The following GNRHR variants were observed in gnomAD, a reference collection of about 807,000 sequenced individuals.
GNRHR encodes the protein gonadotropin-releasing hormone receptor.
In GNRHR, 14 loss-of-function variants were observed where a neutral mutation model predicts 28.1. The observed-to-expected ratio is 0.50, with a 90% CI of 0.33 to 0.78. The LOEUF is 0.78. GNRHR is among the 30% of genes least tolerant of loss of function. The probability of loss-of-function intolerance (pLI) is 0.02; values close to 1 mark genes in which losing one functional copy is unlikely to be tolerated. For synonymous variants in GNRHR, 141 were observed against 140.5 expected (o/e 1.00, Z -0.02); for missense variants, 366 against 382.1 (o/e 0.96, Z 0.35).
chr4:67,738,681 C>T lies in GNRHR; in HGVS notation c.*1799G>A, dbSNP rs1731597995. 6.6e-6 allele frequency among the ~76,000 whole-genome samples: 1 copy of T among 151,896 alleles called. No individual in the cohort carries two copies. Among genetic ancestry groups the T allele is most frequent in the African/African-American group, 2.4e-5 (1 of 41,386 alleles). The stretch of plus-strand genomic sequence containing the variant: ...GGTTTTGTTTCAACTTATCTACATC[C>T]CTGTGTTATCTACAAGAACTATAAA... On this transcript the variant is annotated 3_prime_UTR_variant, in exon 3 of 3. Coordinates refer to ENST00000226413, the MANE Select transcript of GNRHR (RefSeq NM_000406.3).
chr4:67,751,765 T>A (rs934681055), intron 1 of GNRHR: 1 of 152,168 alleles, frequency 6.6e-6, no homozygotes, highest in Non-Finnish European at 1.5e-5. Flanking sequence ...TCTACTTTGG[T>A]TTGGATTTTA....
intron 2 of GNRHR, 101 bp from the exon 3 acceptor site, chr4:67,740,825 G>A (rs1019462615): frequency 3.7e-6 from 3 of 800,806 alleles, no homozygotes; most frequent in Non-Finnish European, 6.5e-6. Flanking sequence ...CTTAATCAAT[G>A]GGAGAAAATT....
chr4:67,751,455 A>G (rs572596804), intron 1 of GNRHR, among the ~76,000 whole-genome samples: 2 of 152,364 alleles, frequency 1.3e-5, no homozygotes, highest in South Asian at 2.1e-4. Flanking sequence ...CATGTGTTTT[A>G]CAAAATAAAA....
intron 1 of GNRHR, among the ~76,000 whole-genome samples, chr4:67,748,927 A>C (rs1731815989): frequency 1.3e-5 from 2 of 152,058 alleles, no homozygotes; most frequent in South Asian, 4.1e-4. Flanking sequence ...ATTGTGCATA[A>C]TTTATGTGAT....
chr4:67,747,027 C>A (rs1332422712), intron 1 of GNRHR, among the ~76,000 whole-genome samples: 1 of 152,082 alleles, frequency 6.6e-6, no homozygotes, highest in Non-Finnish European at 1.5e-5. Context: ...TTCTTTGCAA[C>A]CTGACCTTAT....
chr4:67,752,642 T>C (rs1281662274), intron 1 of GNRHR, among the ~76,000 whole-genome samples: 2 of 150,628 alleles, frequency 1.3e-5, no homozygotes, highest in East Asian at 3.9e-4. Context: ...AAATCATATA[T>C]TTTTCTTCAG....
Position 67,740,640 on chromosome 4 carries a change from A to C in GNRHR, c.827T>G (p.Phe276Cys). 1 of 1,611,568 alleles carries C rather than the reference A, an allele frequency of 6.2e-7. No individual in the cohort carries two copies. The change falls in exon 3 of 3, where the codon TTT becomes TGT. Residue 276 changes from phenylalanine (F) to cysteine (C), a missense_variant. Coordinates refer to ENST00000226413, the MANE Select transcript of GNRHR (RefSeq NM_000406.3). Reference protein sequence around the residue: ...LKMTVAFATSFTVCWTPYYVL... With the variant: ...LKMTVAFATSCTVCWTPYYVL... ...ATAGTAGGGAGTCCAGCAGACAGTAAATGAAGTGGCAAATGCAACCGTCAT... is the reference window on the plus strand; with the variant it reads ...ATAGTAGGGAGTCCAGCAGACAGTACATGAAGTGGCAAATGCAACCGTCAT...
chr4:67,740,425 T>G lies in GNRHR; in HGVS notation c.*55A>C. On this transcript the variant is annotated 3_prime_UTR_variant, in exon 3 of 3. Transcript: ENST00000226413. ...AACATTTGTGTTAATCATTCCCAGA[T>G]GGAGAGATTCATTACCTTACCCTTC... is the stretch of plus-strand genomic sequence containing the variant. 7.7e-7 allele frequency: 1 copy of G among 1,295,568 alleles called. No homozygotes were observed. 80.3% of individuals were successfully genotyped at this position (1,295,568 alleles called of 1,614,324 possible).
Position 67,754,382 on chromosome 4 carries a change from A to G in GNRHR, c.-47T>C, listed in dbSNP as rs763219234. The stretch of plus-strand genomic sequence containing the variant: ...AAGCCTTGTGTCTCTGGTGCATCTG[A>G]TATTTTATTGTAACCGAATCTAAAG... On this transcript the variant is annotated 5_prime_UTR_variant, in exon 1 of 3. Coordinates refer to ENST00000226413, the MANE Select transcript of GNRHR (RefSeq NM_000406.3). 2.0e-6 allele frequency: 3 copies of G among 1,483,302 alleles called. No individual in the cohort carries two copies. The East Asian group carries it at 6.8e-5, about 33-fold the overall frequency. 91.9% of individuals were successfully genotyped at this position (1,483,302 alleles called of 1,614,324 possible).
Position 67,738,248 on chromosome 4 carries a change from C to G in GNRHR, c.*2232G>C, listed in dbSNP as rs979356450. The stretch of plus-strand genomic sequence containing the variant: ...TTTCTTTATATATATACAAAGTCAA[C>G]TAGGACTTCTTAACCTTTTTTTGTG... On this transcript the variant is annotated 3_prime_UTR_variant, in exon 3 of 3. Transcript: ENST00000226413. Among the ~76,000 whole-genome samples the G allele has an allele frequency of 5.3e-5, 8 of 151,726 alleles. No homozygotes were observed. The highest frequency in any genetic ancestry group is 1.9e-4 in the African/African-American group (8 of 41,384).
intron 1 of GNRHR, among the ~76,000 whole-genome samples, chr4:67,748,743 A>G (rs1433646251): frequency 1.3e-5 from 2 of 150,804 alleles, no homozygotes; most frequent in African/African-American, 4.8e-5. Context: ...ATAAATAAAT[A>G]AATAAATGGG....
intron 1 of GNRHR, among the ~76,000 whole-genome samples, chr4:67,748,697 C>A (rs1731809563): frequency 6.7e-6 from 1 of 148,744 alleles, no homozygotes; most frequent in East Asian, 1.9e-4. Flanking sequence ...GCACGTGTAC[C>A]CTAAAACTTA....
chr4:67,746,434 T>C (rs2109984184), intron 1 of GNRHR, among the ~76,000 whole-genome samples: 1 of 152,148 alleles, frequency 6.6e-6, no homozygotes, highest in Middle Eastern at 3.4e-3. Flanking sequence ...CTAGTGGACA[T>C]TTATTCATTA....
At chr4:67,746,210 T>C (rs920413299) in intron 1 of GNRHR, among the ~76,000 whole-genome samples, 1 of 151,982 alleles carries the variant, frequency 6.6e-6, no homozygotes, top group Non-Finnish European at 1.5e-5. Flanking sequence ...TTTTAAGCAA[T>C]TGGGAAAAAG....
intron 1 of GNRHR, among the ~76,000 whole-genome samples, chr4:67,745,305 A>G (rs2109983682): frequency 6.6e-6 from 1 of 152,190 alleles, no homozygotes; most frequent in South Asian, 2.1e-4. Flanking sequence ...AAAAACAAAC[A>G]AAACAACCCA....
chr4:67,750,573 G>A (rs1050136023), intron 1 of GNRHR, among the ~76,000 whole-genome samples: 1 of 152,074 alleles, frequency 6.6e-6, no homozygotes, highest in Non-Finnish European at 1.5e-5. Flanking sequence ...ACAGAACATA[G>A]CTTCTGAGGT....
Position 67,744,674 on chromosome 4 carries a change from G to T in GNRHR, c.636C>A (p.Asn212Lys). 1 of 1,612,382 alleles carries T rather than the reference G, an allele frequency of 6.2e-7. No homozygotes were observed. ...TGAAGAGGCAGCTGAAGGTGAAAAA[G>T]TTATAAAATGCTTGATGCCACCATT... Reference protein sequence around the residue: ...FSQWWHQAFYNFFTFSCLFII... With the variant: ...FSQWWHQAFYKFFTFSCLFII... Residue 212 changes from asparagine (N) to lysine (K), a missense_variant, in exon 2 of 3, where the codon AAC (asparagine) becomes AAA (lysine). Physicochemically the swap from Asn to Lys is moderately conservative, Grantham distance 94. Coordinates refer to ENST00000226413, the MANE Select transcript of GNRHR (RefSeq NM_000406.3).
At position 67,740,569 on chromosome 4, in the gene GNRHR, A is replaced by T; in HGVS notation, c.898T>A (p.Leu300Met). The T allele has an allele frequency of 6.2e-7, 1 of 1,609,540 alleles. No homozygotes were observed. Among genetic ancestry groups the T allele is most frequent in the Non-Finnish European group, 8.5e-7 (1 of 1,175,816 alleles). ...AAGAAGTGATTTACTGGGTCTGACA[A>T]CCTGTTTAACATTTCAGGATCAAAC... ...YWFDPEMLNR[L>M]SDPVNHFFFL... Residue 300 changes from leucine (L) to methionine (M), a missense_variant, in exon 3 of 3, where the codon TTG becomes ATG. Leu to Met is a conservative substitution (Grantham distance 15). Coordinates refer to ENST00000226413, the MANE Select transcript of GNRHR (RefSeq NM_000406.3).
Position 67,744,607 on chromosome 4 carries a change from T to A in GNRHR, c.703A>T (p.Ile235Phe). Residue 235 changes from isoleucine to phenylalanine, a missense_variant, in exon 2 of 3, where the codon ATC (isoleucine) becomes TTC (phenylalanine). Coordinates refer to ENST00000226413, the MANE Select transcript of GNRHR (RefSeq NM_000406.3). ...FIMLICNAKIIFTLTRVLHQD... is the reference protein window; with the variant it reads ...FIMLICNAKIFFTLTRVLHQD... Reference sequence around the variant, plus strand: ...TGAAGGACCCGTGTCAGGGTGAAGATGATTTTTGCATTGCAGATCAGCATG... The same window carrying A: ...TGAAGGACCCGTGTCAGGGTGAAGAAGATTTTTGCATTGCAGATCAGCATG... 2 of 1,612,958 alleles carry A rather than the reference T, an allele frequency of 1.2e-6. No individual in the cohort carries two copies. The highest frequency in any genetic ancestry group is 4.5e-5 in the East Asian group (2 of 44,870).
Sources: gnomAD v4.1 joint callset for allele counts (sites outside exome capture counted in the v4.1 genomes callset) on GRCh38, gnomAD v4.1.1 for gene constraint, MANE v1.5 for transcripts, NCBI Gene and HGNC (gene_info 2026-07-23, HGNC 2026-07-21) for gene names.